Variants in SPRED1 observed in about 807,000 individuals in gnomAD.
SPRED1 encodes the protein sprouty related EVH1 domain containing 1.
SPRED1 carries 18 observed loss-of-function variants against 52.3 expected under a neutral mutation model. That is an observed-to-expected ratio of 0.34 (90% CI 0.24 to 0.51). The LOEUF (loss-of-function observed/expected upper bound fraction) is 0.51, where lower values mean the gene tolerates loss of function less well. Among genes scored for constraint, SPRED1 ranks in the 20% least tolerant of loss-of-function variants. SPRED1 has a pLI of 0.97. For missense variants in SPRED1, 485 were observed against 551.0 expected (o/e 0.88, Z 1.20); for synonymous variants, 155 against 179.7 (o/e 0.86, Z 1.10).
intron 1 of SPRED1, among the ~76,000 whole-genome samples, chr15:38,280,694 C>G (rs1264918494): frequency 6.6e-6 from 1 of 152,106 alleles, no homozygotes; most frequent in East Asian, 1.9e-4. Context: ...AAACTGTTTT[C>G]TTTGATAATC....
At chr15:38,329,466 T>G (rs952484992) in intron 4 of SPRED1, among the ~76,000 whole-genome samples, 3 of 152,134 alleles carry the variant, frequency 2.0e-5, no homozygotes, top group Non-Finnish European at 2.9e-5. Context: ...ACTAAGTTAG[T>G]GGATTGGCTT....
At chr15:38,271,224 G>T (rs1286040192) in intron 1 of SPRED1, among the ~76,000 whole-genome samples, 1 of 152,190 alleles carries the variant, frequency 6.6e-6, no homozygotes, top group Non-Finnish European at 1.5e-5. Flanking sequence ...ACCTGTTTCA[G>T]TAAGGAAATG....
chr15:38,314,275 CAT>C (rs1895425950), intron 2 of SPRED1, among the ~76,000 whole-genome samples: 1 of 151,738 alleles, frequency 6.6e-6, no homozygotes, highest in Non-Finnish European at 1.5e-5. Flanking sequence ...ATTATTGAGA[CAT>C]ATATTCAGAT....
intron 1 of SPRED1, among the ~76,000 whole-genome samples, chr15:38,264,431 T>G (rs1473074578): frequency 6.6e-6 from 1 of 151,980 alleles, no homozygotes; most frequent in Non-Finnish European, 1.5e-5. Flanking sequence ...GCTTGTAGAG[T>G]GTAAGTGGGA....
At chr15:38,312,022 A>G (rs1895377801) in intron 2 of SPRED1, among the ~76,000 whole-genome samples, 1 of 152,060 alleles carries the variant, frequency 6.6e-6, no homozygotes, top group South Asian at 2.1e-4. Context: ...TTTTGAAAAG[A>G]CTTCAGTTCA....
intron 1 of SPRED1, among the ~76,000 whole-genome samples, chr15:38,258,962 T>C (rs184390464): frequency 3.9e-5 from 6 of 152,314 alleles, no homozygotes; most frequent in Non-Finnish European, 2.9e-5. Context: ...AGTTTGCTGA[T>C]TTATAAATTA....
At chr15:38,281,780 A>C (rs1179210831) in intron 1 of SPRED1, among the ~76,000 whole-genome samples, 1 of 152,112 alleles carries the variant, frequency 6.6e-6, no homozygotes, top group Non-Finnish European at 1.5e-5. Flanking sequence ...ATAAAAATAT[A>C]TAAAATACAT....
At chr15:38,336,428 A>ATGTGTATGTGTGTGTG in intron 4 of SPRED1, among the ~76,000 whole-genome samples, 1 of 40,522 alleles carries the variant, frequency 2.5e-5, no homozygotes, top group South Asian at 1.2e-3. Flanking sequence ...GTGTGTATAT[A>ATGTGTATGTGTGTGTG]TATATATAAT....
intron 5 of SPRED1, among the ~76,000 whole-genome samples, chr15:38,344,034 A>G (rs1236922894): frequency 1.3e-5 from 2 of 152,190 alleles, no homozygotes; most frequent in African/African-American, 4.8e-5. Flanking sequence ...AGCAATCTGC[A>G]TATTTTCGCT....
At chr15:38,255,087 A>G (rs1894065714) in intron 1 of SPRED1, among the ~76,000 whole-genome samples, 1 of 152,208 alleles carries the variant, frequency 6.6e-6, no homozygotes, top group Admixed American at 6.5e-5. Flanking sequence ...CAAGTAAAAT[A>G]TATTTTTTCT....
At chr15:38,296,405 A>G (rs902593902) in intron 1 of SPRED1, among the ~76,000 whole-genome samples, 2 of 152,204 alleles carry the variant, frequency 1.3e-5, no homozygotes, top group Non-Finnish European at 1.5e-5. Context: ...ACAAAGTGCA[A>G]TAAAGTATAG....
At chr15:38,270,646 A>G (rs1894412128) in intron 1 of SPRED1, among the ~76,000 whole-genome samples, 4 of 152,152 alleles carry the variant, frequency 2.6e-5, no homozygotes, top group African/African-American at 4.8e-5. Flanking sequence ...ACTCTATCAC[A>G]AGAACAGCGA....
At position 38,356,406 on chromosome 15, in the gene SPRED1, T is replaced by C. The variant is rs1888622365; in HGVS notation, c.*4742T>C. ...TGATTATCATAAGAATTTGTTTTAA[T>C]GGTTTTTTTCCCTCCTGGAATTACC... On this transcript the variant is annotated 3_prime_UTR_variant, in exon 7 of 7. Transcript: ENST00000299084. 2 of 152,138 alleles carry C rather than the reference T, an allele frequency of 1.3e-5. No individual in the cohort carries two copies. The highest frequency in any genetic ancestry group is 2.9e-5 in the Non-Finnish European group (2 of 67,972). The allele number at this position is 152,138 out of a possible 1,614,324, so 9.4% of individuals were successfully genotyped here. A position where few individuals can be genotyped will look rare whatever the true frequency, so the allele number is the denominator to read the frequency against.
chr15:38,263,451 G>A (rs1894242670), intron 1 of SPRED1, among the ~76,000 whole-genome samples: 1 of 152,172 alleles, frequency 6.6e-6, no homozygotes. Flanking sequence ...AGTAATAATG[G>A]AAAGATGACA....
chr15:38,335,967 AAGC>A (rs1404838564), intron 4 of SPRED1, among the ~76,000 whole-genome samples: 1 of 152,126 alleles, frequency 6.6e-6, no homozygotes, highest in East Asian at 1.9e-4. Flanking sequence ...AATTATGTAA[AAGC>A]AGGCTTACAA....
chr15:38,306,748 T>C (rs1478393637), intron 2 of SPRED1, among the ~76,000 whole-genome samples: 5 of 152,222 alleles, frequency 3.3e-5, no homozygotes, highest in Non-Finnish European at 7.4e-5. Flanking sequence ...TCCCAAATTA[T>C]TATACCTTCC....
intron 4 of SPRED1, among the ~76,000 whole-genome samples, chr15:38,331,228 T>C (rs1895800109): frequency 6.6e-6 from 1 of 152,152 alleles, no homozygotes; most frequent in South Asian, 2.1e-4. Context: ...TGTGCCAGCA[T>C]ACAATACTAA....
In SPRED1 at chr15:38,264,352, G is replaced by A. The variant is rs556709610; in HGVS notation, c.32+11135G>A. Among the ~76,000 whole-genome samples the A allele has an allele frequency of 2.2e-3, 341 of 152,318 alleles. 2 individuals are homozygous for A. The highest frequency in any genetic ancestry group is 7.5e-3 in the African/African-American group (312 of 41,574). The stretch of plus-strand genomic sequence containing the variant: ...TAGATTTTAAAGAAAAAATTAGCTT[G>A]AAGTGGTAGATTGACACATAGAACT... On this transcript the variant is annotated intron_variant, in intron 1 of 6. Transcript: ENST00000299084.
intron 2 of SPRED1, among the ~76,000 whole-genome samples, chr15:38,317,667 A>AAAAT (rs1269917696): frequency 3.3e-5 from 5 of 152,004 alleles, no homozygotes; most frequent in African/African-American, 1.2e-4. Flanking sequence ...AAGGGACGTG[A>AAAAT]AAATAGCCAG....
Sources: allele counts gnomAD v4.1 joint callset (sites outside exome capture counted in the v4.1 genomes callset), GRCh38; gene constraint gnomAD v4.1.1; transcripts MANE v1.5; gene names NCBI Gene and HGNC (gene_info 2026-07-23, HGNC 2026-07-21).